Variants in GRIN2B observed in about 807,000 individuals in gnomAD.
GRIN2B encodes glutamate ionotropic receptor NMDA type subunit 2B, also known as glutamate receptor ionotropic, NMDA 2B.
In GRIN2B, 5 loss-of-function variants were observed where a neutral mutation model predicts 114.5. The observed-to-expected ratio is 0.04, with a 90% CI of 0.02 to 0.09. The LOEUF (loss-of-function observed/expected upper bound fraction) is 0.09. Among genes scored for constraint, GRIN2B ranks in the 10% least tolerant of loss-of-function variants. The pLI is 1.00. For synonymous variants in GRIN2B, 787 were observed against 745.1 expected, an observed-to-expected ratio of 1.06 and a Z score of -0.92; for missense variants, 1,108 against 1,943.5, an observed-to-expected ratio of 0.57 and a Z score of 8.08.
At chr12:13,941,262 C>T (rs1172796377) in intron 2 of GRIN2B, among the ~76,000 whole-genome samples, 2 of 152,100 alleles carry the variant, frequency 1.3e-5, no homozygotes, top group Non-Finnish European at 2.9e-5. Flanking sequence ...CCTTTATGTT[C>T]CCACATTGAA....
chr12:13,979,331 C>T (rs1863087789), intron 2 of GRIN2B, among the ~76,000 whole-genome samples: 1 of 152,090 alleles, frequency 6.6e-6, no homozygotes, highest in African/African-American at 2.4e-5. Flanking sequence ...TAGACCTACC[C>T]CTCTGCAATA....
At chr12:13,820,351 A>G (rs1435865494) in intron 3 of GRIN2B, among the ~76,000 whole-genome samples, 3 of 152,182 alleles carry the variant, frequency 2.0e-5, no homozygotes, top group African/African-American at 7.2e-5. Context: ...CTGACCATAT[A>G]TAGCCACCTA....
intron 10 of GRIN2B, among the ~76,000 whole-genome samples, chr12:13,592,612 T>C (rs1228860718): frequency 1.3e-5 from 2 of 152,176 alleles, no homozygotes; most frequent in Non-Finnish European, 2.9e-5. Flanking sequence ...GGTAATGAAG[T>C]ATTGGAGGAA....
chr12:13,924,602 C>A, intron 2 of GRIN2B, among the ~76,000 whole-genome samples: 1 of 152,308 alleles, frequency 6.6e-6, no homozygotes, highest in Non-Finnish European at 1.5e-5. Context: ...CAATGCTAAC[C>A]AGATCCTTAG....
chr12:13,614,363 G>A (rs1949408172), intron 8 of GRIN2B, among the ~76,000 whole-genome samples: 1 of 152,168 alleles, frequency 6.6e-6, no homozygotes, highest in African/African-American at 2.4e-5. Context: ...GCCAAACCCA[G>A]TCTCCTTTCT....
chr12:13,930,497 C>T lies in GRIN2B; in HGVS notation c.-19+49431G>A, dbSNP rs547219130. Among the ~76,000 whole-genome samples, 4 of 152,300 alleles carry T rather than the reference C, an allele frequency of 2.6e-5. No individual in the cohort carries two copies. The South Asian group carries it at 8.3e-4, about 32-fold the overall frequency. On this transcript the variant is annotated intron_variant, in intron 2 of 13. Transcript: ENST00000609686. ...ACGCAACAGCAGCATCCACCTGCCCCTGATCTTGAGCCGGTAAAAACCAGA... is the reference window on the plus strand; with the variant it reads ...ACGCAACAGCAGCATCCACCTGCCCTTGATCTTGAGCCGGTAAAAACCAGA...
At chr12:13,866,985 T>C (rs1187077395) in intron 2 of GRIN2B, among the ~76,000 whole-genome samples, 1 of 152,218 alleles carries the variant, frequency 6.6e-6, no homozygotes, top group Non-Finnish European at 1.5e-5. Flanking sequence ...GAAACAAACC[T>C]GAACCCAGAT....
At chr12:13,677,862 T>C (rs1173322853) in intron 4 of GRIN2B, among the ~76,000 whole-genome samples, 1 of 152,162 alleles carries the variant, frequency 6.6e-6, no homozygotes, top group East Asian at 1.9e-4. Flanking sequence ...CATACATCCC[T>C]TATGAAATCA....
intron 4 of GRIN2B, among the ~76,000 whole-genome samples, chr12:13,723,406 G>A (rs1252805637): frequency 6.6e-6 from 1 of 151,340 alleles, no homozygotes; most frequent in Non-Finnish European, 1.5e-5. Context: ...ACCAGATAAT[G>A]TACCCTTGTA....
chr12:13,751,420 T>C (rs891052486), intron 4 of GRIN2B, among the ~76,000 whole-genome samples: 2 of 152,084 alleles, frequency 1.3e-5, no homozygotes, highest in African/African-American at 4.8e-5. Flanking sequence ...CCTGTAGTAA[T>C]GCATGTGAGA....
intron 5 of GRIN2B, among the ~76,000 whole-genome samples, chr12:13,638,400 T>C (rs1190896682): frequency 6.6e-6 from 1 of 152,144 alleles, no homozygotes; most frequent in African/African-American, 2.4e-5. Flanking sequence ...TCCACGTGAA[T>C]GCATAAGTAC....
chr12:13,678,614 TC>T (rs970206836), intron 4 of GRIN2B, among the ~76,000 whole-genome samples: 12 of 152,068 alleles, frequency 7.9e-5, no homozygotes, highest in African/African-American at 1.2e-4. Flanking sequence ...ACATGTAGCA[TC>T]CCCAACACAA....
chr12:13,951,698 G>A (rs953959584), intron 2 of GRIN2B, among the ~76,000 whole-genome samples: 2 of 152,164 alleles, frequency 1.3e-5, no homozygotes, highest in African/African-American at 4.8e-5. Flanking sequence ...CACAAAATAT[G>A]ATTACCAATT....
chr12:13,760,610 G>A lies in GRIN2B; in HGVS notation c.412-6695C>T, dbSNP rs531196848. ...AATTCAGTTCTTGAGGACAATCTGTGTCTGAAAAACTCTGGAACTGGTAGG... is the reference window on the plus strand; with the variant it reads ...AATTCAGTTCTTGAGGACAATCTGTATCTGAAAAACTCTGGAACTGGTAGG... On this transcript the variant is annotated intron_variant, in intron 3 of 13. Coordinates refer to ENST00000609686, the MANE Select transcript of GRIN2B (RefSeq NM_000834.5). 9.2e-5 allele frequency among the ~76,000 whole-genome samples: 14 copies of A among 152,222 alleles called. 1 individual carries two copies. In the South Asian group the frequency reaches 2.7e-3, roughly 29 times the overall value.
At chr12:13,672,514 C>G (rs1950032229) in intron 5 of GRIN2B, among the ~76,000 whole-genome samples, 1 of 152,076 alleles carries the variant, frequency 6.6e-6, no homozygotes, top group Non-Finnish European at 1.5e-5. Flanking sequence ...GTGGAAGGAC[C>G]AATACAACTT....
chr12:13,703,310 C>A (rs1248852530), intron 4 of GRIN2B, among the ~76,000 whole-genome samples: 1 of 152,166 alleles, frequency 6.6e-6, no homozygotes, highest in Non-Finnish European at 1.5e-5. Context: ...GATGCCCACT[C>A]TTCATATTTG....
At chr12:13,974,234 TC>T (rs1862977752) in intron 2 of GRIN2B, among the ~76,000 whole-genome samples, 1 of 152,222 alleles carries the variant, frequency 6.6e-6, no homozygotes, top group Non-Finnish European at 1.5e-5. Flanking sequence ...GCTGTCCCTT[TC>T]TTTGTAATGG....
At chr12:13,918,638 C>T (rs925203809) in intron 2 of GRIN2B, among the ~76,000 whole-genome samples, 14 of 152,164 alleles carry the variant, frequency 9.2e-5, no homozygotes, top group Non-Finnish European at 1.2e-4. Flanking sequence ...TTTCAATGCA[C>T]GCTCTGCAAT....
intron 4 of GRIN2B, among the ~76,000 whole-genome samples, chr12:13,731,030 A>G (rs1290166525): frequency 6.6e-6 from 1 of 152,094 alleles, no homozygotes; most frequent in Non-Finnish European, 1.5e-5. Flanking sequence ...CTGCCCTGGA[A>G]CTATAGCTGA....
Sources: gnomAD v4.1 joint callset for allele counts (sites outside exome capture counted in the v4.1 genomes callset) on GRCh38, gnomAD v4.1.1 for gene constraint, MANE v1.5 for transcripts, NCBI Gene and HGNC (gene_info 2026-07-23, HGNC 2026-07-21) for gene names.